Variants in CCDC13 observed in about 807,000 individuals in gnomAD.
CCDC13 encodes coiled-coil domain-containing protein 13.
Under a neutral mutation model 87.3 loss-of-function variants are expected in CCDC13, and 70 were observed. The ratio of observed to expected loss-of-function variants is 0.80; its 90% confidence interval spans 0.66 to 0.98. The LOEUF (loss-of-function observed/expected upper bound fraction) is 0.98. CCDC13 is among the 50% of genes least tolerant of loss of function. CCDC13 has a pLI of 0.00. For synonymous variants in CCDC13, 317 were observed against 360.3 expected (o/e 0.88, Z 1.36); for missense variants, 842 against 892.0 (o/e 0.94, Z 0.71).
chr3:42,747,929 T>C (rs1699462368), intron 5 of CCDC13, among the ~76,000 whole-genome samples: 1 of 152,214 alleles, frequency 6.6e-6, no homozygotes, highest in South Asian at 2.1e-4. Flanking sequence ...CCTTGGTCTT[T>C]TGACAGCTGA....
intron 13 of CCDC13, among the ~76,000 whole-genome samples, chr3:42,723,265 T>A (rs1017985590): frequency 6.6e-6 from 1 of 152,174 alleles, no homozygotes; most frequent in African/African-American, 2.4e-5. Context: ...AAATACTGCT[T>A]CCACTCTGGC....
intron 13 of CCDC13, among the ~76,000 whole-genome samples, chr3:42,715,462 A>G (rs1698410636): frequency 6.6e-6 from 1 of 152,022 alleles, no homozygotes. Context: ...AAATACAAAA[A>G]TAAGCCTGGC....
chr3:42,759,873 T>C (rs1265886244), intron 1 of CCDC13, among the ~76,000 whole-genome samples: 1 of 152,224 alleles, frequency 6.6e-6, no homozygotes, highest in Non-Finnish European at 1.5e-5. Context: ...AAGAAACTGC[T>C]AAACTGTTTG....
chr3:42,742,890 C>T lies in CCDC13; in HGVS notation c.987+6G>A, dbSNP rs193113588. ...TGCCCAGCTGACCTCCTCAGGCACG[C>T]GTTACCTCCAAGCCTTCCTGTTTTT... On this transcript the variant is annotated splice_donor_region_variant and intron_variant, in intron 8 of 15. Transcript: ENST00000310232. The T allele has an allele frequency of 8.7e-6, 14 of 1,613,920 alleles. No individual in the cohort carries two copies. Among genetic ancestry groups the T allele is most frequent in the East Asian group, 6.7e-5 (3 of 44,882 alleles).
At chr3:42,713,106 G>T in intron 14 of CCDC13, 56 bp downstream of exon 14, 1 of 1,580,432 alleles carries the variant, frequency 6.3e-7, no homozygotes, top group Non-Finnish European at 8.6e-7. Flanking sequence ...TGGCTCCTCT[G>T]TTAGCAGCAA....
intron 1 of CCDC13, among the ~76,000 whole-genome samples, chr3:42,769,997 C>T (rs1172439558): frequency 6.6e-6 from 1 of 152,254 alleles, no homozygotes; most frequent in Non-Finnish European, 1.5e-5. Flanking sequence ...ACGAGCGCCA[C>T]CCCCTGCTCC....
At chr3:42,749,924 G>A (rs1699529978) in intron 5 of CCDC13, 2 of 456,610 alleles carry the variant, frequency 4.4e-6, no homozygotes, top group Middle Eastern at 3.2e-4. Context: ...GCAGGCCTCT[G>A]GAGTGTGGCT....
At position 42,749,520 on chromosome 3, in the gene CCDC13, C is replaced by T. The variant is rs184995328; in HGVS notation, c.604-2147G>A. ...GTCAAGGGTGCTGTCTGGGGCAGGT[C>T]CTGATGGAGGGCAATGCTGGCAGGC... On this transcript the variant is annotated intron_variant, in intron 5 of 15. Coordinates refer to ENST00000310232, the MANE Select transcript of CCDC13 (RefSeq NM_144719.4). Among the ~76,000 whole-genome samples, 1,156 of 152,322 alleles carry T rather than the reference C, an allele frequency of 7.6e-3. 3 individuals carry two copies. Among genetic ancestry groups the T allele is most frequent in the Non-Finnish European group, 0.013 (864 of 68,028 alleles).
At chr3:42,770,669 T>C (rs1393898597) in intron 1 of CCDC13, 1 of 152,402 alleles carries the variant, frequency 6.6e-6, no homozygotes, top group Non-Finnish European at 1.5e-5. Context: ...TAAATCTTGC[T>C]ACTGCTCACT....
intron 5 of CCDC13, among the ~76,000 whole-genome samples, chr3:42,749,210 C>T (rs1699504235): frequency 6.6e-6 from 1 of 152,204 alleles, no homozygotes; most frequent in Non-Finnish European, 1.5e-5. Flanking sequence ...CCCTCCACCC[C>T]CTGCCACGCC....
chr3:42,740,484 A>G (rs1699180323), intron 8 of CCDC13, among the ~76,000 whole-genome samples: 1 of 152,186 alleles, frequency 6.6e-6, no homozygotes, highest in Non-Finnish European at 1.5e-5. Context: ...ATTGTTATAG[A>G]TGCTGGGGGA....
intron 9 of CCDC13, among the ~76,000 whole-genome samples, chr3:42,737,036 T>C (rs936777373): frequency 3.9e-5 from 6 of 152,142 alleles, no homozygotes; most frequent in Non-Finnish European, 7.4e-5. Context: ...TTACATTAGG[T>C]ATTTCTCCTA....
At chr3:42,772,998 T>C (rs1183804230) in intron 1 of CCDC13, among the ~76,000 whole-genome samples, 178 bp downstream of exon 1, 1 of 152,122 alleles carries the variant, frequency 6.6e-6, no homozygotes, top group Non-Finnish European at 1.5e-5. Flanking sequence ...GAGGGCTGTG[T>C]GTGAAGATTC....
In CCDC13 at chr3:42,758,354, A is replaced by C; in HGVS notation, c.-6-3T>G. On this transcript the variant is annotated splice_polypyrimidine_tract_variant and splice_region_variant and intron_variant, in intron 1 of 15. Transcript: ENST00000310232. ...CTTTCATCTGCTGCCATCCTGCCCTAGGCATCAGAAATGAAGCCTCAGCTG... is the reference window on the plus strand; with the variant it reads ...CTTTCATCTGCTGCCATCCTGCCCTCGGCATCAGAAATGAAGCCTCAGCTG... 6.2e-7 allele frequency: 1 copy of C among 1,611,526 alleles called. No homozygotes were observed. Among genetic ancestry groups the C allele is most frequent in the African/African-American group, 1.3e-5 (1 of 74,920 alleles).
At chr3:42,757,864 C>T (rs1699738041) in intron 2 of CCDC13, among the ~76,000 whole-genome samples, 1 of 152,026 alleles carries the variant, frequency 6.6e-6, no homozygotes, top group African/African-American at 2.4e-5. Context: ...TCATCATATG[C>T]TTGGAACTAG....
rs1317603653 is a variant in CCDC13 at position 42,705,828 on chromosome 3, C to T, written c.*3152G>A. ...TTCTCAGGGTCCCTATCTTTGACCCCTTTGATGACCTCCTTCCCTTGAAAA... is the reference window on the plus strand; with the variant it reads ...TTCTCAGGGTCCCTATCTTTGACCCTTTTGATGACCTCCTTCCCTTGAAAA... On this transcript the variant is annotated 3_prime_UTR_variant, in exon 16 of 16. Coordinates refer to ENST00000310232, the MANE Select transcript of CCDC13 (RefSeq NM_144719.4). Among the ~76,000 whole-genome samples the T allele has an allele frequency of 1.3e-5, 2 of 152,186 alleles. No homozygotes were observed. Among genetic ancestry groups the T allele is most frequent in the African/African-American group, 2.4e-5 (1 of 41,452 alleles).
intron 13 of CCDC13, among the ~76,000 whole-genome samples, chr3:42,721,156 G>A (rs1559639310): frequency 6.6e-6 from 1 of 152,216 alleles, no homozygotes; most frequent in Non-Finnish European, 1.5e-5. Flanking sequence ...ATGACTTAAT[G>A]TGTTATTAAT....
chr3:42,753,311 T>C (rs533352982), intron 3 of CCDC13, among the ~76,000 whole-genome samples: 1 of 152,328 alleles, frequency 6.6e-6, no homozygotes, highest in African/African-American at 2.4e-5. Context: ...CTGGCCTAGA[T>C]CGGCCAATCC....
At position 42,739,679 on chromosome 3, in the gene CCDC13, C is replaced by G; in HGVS notation, c.1119G>C (p.Leu373=). The part of the protein sequence containing the change: ...MKTLKSQMGT[L]VEKGRHDDEL... ...CGTCATCATGCCGGCCCTTCTCCAC[C>G]AGGGTTCCCATCTGACTCTTGAGGG... Residue 373 remains leucine (L), a synonymous_variant, in exon 9 of 16, where the codon CTG becomes CTC. Transcript: ENST00000310232. 6.2e-7 allele frequency: 1 copy of G among 1,614,204 alleles called. No homozygotes were observed. The highest frequency in any genetic ancestry group is 8.5e-7 in the Non-Finnish European group (1 of 1,180,026).
Sources: allele counts gnomAD v4.1 joint callset (sites outside exome capture counted in the v4.1 genomes callset), GRCh38; gene constraint gnomAD v4.1.1; transcripts MANE v1.5; gene names NCBI Gene and HGNC (gene_info 2026-07-23, HGNC 2026-07-21).